Variants in MIDEAS observed in about 807,000 individuals in gnomAD.
The protein encoded by MIDEAS is mitotic deacetylase associated SANT domain protein, also known as mitotic deacetylase-associated SANT domain protein.
Under a neutral mutation model 102.7 loss-of-function variants are expected in MIDEAS, and 26 were observed. That is an observed-to-expected ratio of 0.25 (90% CI 0.19 to 0.35). The LOEUF is 0.35. MIDEAS is among the 10% of genes least tolerant of loss of function. The probability of loss-of-function intolerance (pLI) is 1.00; values close to 1 mark genes in which losing one functional copy is unlikely to be tolerated. For synonymous variants in MIDEAS, 585 were observed against 591.0 expected (o/e 0.99, Z 0.15); for missense variants, 1,231 against 1,435.6 (o/e 0.86, Z 2.30).
intron 1 of MIDEAS, among the ~76,000 whole-genome samples, chr14:73,743,743 C>T (rs1341760425): frequency 2.0e-5 from 3 of 152,190 alleles, no homozygotes; most frequent in Non-Finnish European, 4.4e-5. Context: ...CTGCCAGCAG[C>T]TCAGCCCTGG....
intron 1 of MIDEAS, among the ~76,000 whole-genome samples, chr14:73,778,376 A>C (rs1385036679): frequency 1.3e-5 from 2 of 151,230 alleles, no homozygotes; most frequent in African/African-American, 4.9e-5. Flanking sequence ...AAAAAAAAAA[A>C]CGTGATGGGG....
In MIDEAS at chr14:73,718,880, G is replaced by T; in HGVS notation, c.3263C>A (p.Ala1088Asp). The T allele has an allele frequency of 6.6e-7, 1 of 1,516,034 alleles. No individual in the cohort carries two copies. Among genetic ancestry groups the T allele is most frequent in the Non-Finnish European group, 8.8e-7 (1 of 1,138,374 alleles). 93.9% of individuals were successfully genotyped at this position (1,516,034 alleles called of 1,614,324 possible). ...AAAAAAAHQQ[A>D]LREESGAGDK... ...GCCCGCACCGCTCTCCTCCCGCAGG[G>T]CCTGCTGGTGGGCGGCGGCGGCGGC... Residue 1088 changes from alanine to aspartate, a missense_variant, in exon 13 of 13, where the codon GCC becomes GAC. This residue lies in a region of MIDEAS where 71 missense variants were observed against 51.9 expected (regional missense o/e 1.37). Transcript: ENST00000423556.
chr14:73,784,968 A>G (rs2053792849), intron 1 of MIDEAS, among the ~76,000 whole-genome samples: 1 of 152,150 alleles, frequency 6.6e-6, no homozygotes, highest in South Asian at 2.1e-4. Flanking sequence ...GCAAAACAGC[A>G]TTTTTCCTCC....
upstream of MIDEAS, among the ~76,000 whole-genome samples, chr14:73,788,155 GAA>G (rs71115905): frequency 2.1e-3 from 275 of 130,636 alleles, no homozygotes; most frequent in African/African-American, 6.6e-3. Flanking sequence ...CTTTGCTGGT[GAA>G]AAAAAAAAAA....
Position 73,718,700 on chromosome 14 carries a change from A to T in MIDEAS, c.*143T>A. 10 of 809,492 alleles carry T rather than the reference A, an allele frequency of 1.2e-5. No individual in the cohort carries two copies. Among genetic ancestry groups the T allele is most frequent in the South Asian group, 3.2e-5 (1 of 31,718 alleles). The allele number at this position is 809,492 out of a possible 1,614,324, so 50.1% of individuals were successfully genotyped here. On this transcript the variant is annotated 3_prime_UTR_variant, in exon 13 of 13. Coordinates refer to ENST00000423556, the MANE Select transcript of MIDEAS (RefSeq NM_001367710.1). The stretch of plus-strand genomic sequence containing the variant: ...GCCTTCATAAATAAAAGAGCCGTTT[A>T]TGTCATTGTCTCATTTGTTTCGCAG...
Position 73,738,867 on chromosome 14 carries a change from G to T in MIDEAS, c.1142C>A (p.Pro381His). The change falls in exon 2 of 13, where the codon CCC becomes CAC. Residue 381 changes from proline (P) to histidine (H), a missense_variant. Pro to His is a moderately conservative substitution (Grantham distance 77). Transcript: ENST00000423556. ...ATGNLFLHHW[P>H]LQQPPPGSLG... ...GGAGCCAGGTGGCGGCTGCTGCAGG[G>T]GCCAGTGATGTAGGAACAGGTTGCC... 1 of 1,568,504 alleles carries T rather than the reference G, an allele frequency of 6.4e-7. No homozygotes were observed. Among genetic ancestry groups the T allele is most frequent in the Non-Finnish European group, 8.6e-7 (1 of 1,157,530 alleles).
At chr14:73,768,677 G>A (rs1399329352) in intron 1 of MIDEAS, among the ~76,000 whole-genome samples, 1 of 152,000 alleles carries the variant, frequency 6.6e-6, no homozygotes. Context: ...GTAGAGATGG[G>A]GTTTCACCAT....
At chr14:73,787,349 C>G (rs1451189326), upstream of MIDEAS, 1 of 151,296 alleles carries the variant, frequency 6.6e-6, no homozygotes, top group Non-Finnish European at 1.5e-5. Flanking sequence ...GCCGTCTCCC[C>G]ACTCTGCGCG....
rs1023227565 is a variant in MIDEAS at position 73,759,073 on chromosome 14, G to C, written c.-248+690C>G. ...CTGGGAGGGCTGCGGCGGCGCGGGCGTGCGGGGGCGCGCGGGAGGATGACA... is the reference window on the plus strand; with the variant it reads ...CTGGGAGGGCTGCGGCGGCGCGGGCCTGCGGGGGCGCGCGGGAGGATGACA... On this transcript the variant is annotated intron_variant, in intron 1 of 12. Coordinates refer to ENST00000423556, the MANE Select transcript of MIDEAS (RefSeq NM_001367710.1). The surrounding 1 kb of genome is among the most constrained non-coding windows in gnomAD (Gnocchi z 6.7). Among the ~76,000 whole-genome samples, 1 of 152,062 alleles carries C rather than the reference G, an allele frequency of 6.6e-6. No individual in the cohort carries two copies. Among genetic ancestry groups the C allele is most frequent in the Non-Finnish European group, 1.5e-5 (1 of 67,968 alleles).
At chr14:73,722,415 GA>G (rs1445672644) in intron 10 of MIDEAS, 3 of 230,670 alleles carry the variant, frequency 1.3e-5, no homozygotes, top group Non-Finnish European at 2.5e-5. Flanking sequence ...TGAGGTTTGA[GA>G]AACAGTGTTA....
At position 73,759,517 on chromosome 14, in the gene MIDEAS, G is replaced by A. The variant is rs1460495235; in HGVS notation, c.-248+246C>T. ...CGCTGCACACGCAGCTGCGGGCCGA[G>A]GGCGCGGACCGCGGGGGAGGGGGCG... is the stretch of plus-strand genomic sequence containing the variant. On this transcript the variant is annotated intron_variant, in intron 1 of 12. Coordinates refer to ENST00000423556, the MANE Select transcript of MIDEAS (RefSeq NM_001367710.1). The surrounding 1 kb of genome is among the most constrained non-coding windows in gnomAD (Gnocchi z 6.7). Among the ~76,000 whole-genome samples the A allele has an allele frequency of 6.7e-6, 1 of 149,916 alleles. No individual in the cohort carries two copies. Among genetic ancestry groups the A allele is most frequent in the Non-Finnish European group, 1.5e-5 (1 of 67,170 alleles).
rs932317768 is a variant in MIDEAS, at chr14:73,718,900, G to A, written c.3243C>T (p.Ala1081=). The A allele has an allele frequency of 3.9e-6, 6 of 1,520,350 alleles. No homozygotes were observed. The African/African-American group carries it at 8.4e-5, about 21-fold the overall frequency. The allele number at this position is 1,520,350 out of a possible 1,614,324, so 94.2% of individuals were successfully genotyped here. ...RLKEKEAAAA[A]AAAHQQALRE... is the part of the protein sequence containing the mutation. ...GCAGGGCCTGCTGGTGGGCGGCGGC[G>A]GCGGCAGCAGCGGCCTCTTTCTCCT... Residue 1081 remains alanine, a synonymous_variant, in exon 13 of 13, where the codon GCC becomes GCT. Coordinates refer to ENST00000423556, the MANE Select transcript of MIDEAS (RefSeq NM_001367710.1).
At chr14:73,724,459 G>A (rs1468460081) in intron 9 of MIDEAS, 1 of 152,190 alleles carries the variant, frequency 6.6e-6, no homozygotes, top group East Asian at 1.9e-4. Flanking sequence ...AGGCATTAGG[G>A]GCGCCTCCGT....
chr14:73,762,040 A>G (rs976240506), upstream of MIDEAS, among the ~76,000 whole-genome samples: 2 of 152,132 alleles, frequency 1.3e-5, no homozygotes, highest in African/African-American at 4.8e-5. Flanking sequence ...CCCACTGACA[A>G]CACATCCAAG....
intron 1 of MIDEAS, among the ~76,000 whole-genome samples, chr14:73,784,921 G>A (rs942404386): frequency 1.2e-4 from 19 of 152,178 alleles, no homozygotes; most frequent in Admixed American, 9.8e-4. Context: ...TTTGACAAAC[G>A]GTCACTGTGC....
At chr14:73,758,068 C>T (rs1422328141) in intron 1 of MIDEAS, among the ~76,000 whole-genome samples, 1 of 151,924 alleles carries the variant, frequency 6.6e-6, no homozygotes, top group Non-Finnish European at 1.5e-5. Flanking sequence ...ACCCCCTTGT[C>T]CCCCCGGGAG....
rs2140174859 is a variant in MIDEAS, at chr14:73,777,575, G to GT, written c.-248+9526dup. On this transcript the variant is annotated intron_variant, in intron 1 of 11. Transcript: ENST00000394071. ...CCACTTGCAGTCCCCAGAGCAAATGGTGTCATGTTGTGCCTCCAGGCCTTG... is the reference window on the plus strand; with the variant it reads ...CCACTTGCAGTCCCCAGAGCAAATGGTTGTCATGTTGTGCCTCCAGGCCTTG... 2.0e-5 allele frequency among the ~76,000 whole-genome samples: 3 copies of GT among 152,032 alleles called. No homozygotes were observed. In the South Asian group the frequency reaches 6.3e-4, roughly 32 times the overall value.
chr14:73,773,972 A>G (rs1354721246), intron 1 of MIDEAS, among the ~76,000 whole-genome samples: 2 of 150,086 alleles, frequency 1.3e-5, no homozygotes, highest in Non-Finnish European at 3.0e-5. Context: ...CAGTGAGCTG[A>G]TATCACACCA....
At chr14:73,783,468 AG>A (rs1471195784) in intron 1 of MIDEAS, among the ~76,000 whole-genome samples, 3 of 152,194 alleles carry the variant, frequency 2.0e-5, no homozygotes, top group Admixed American at 6.5e-5. Flanking sequence ...AGAGGAGCAA[AG>A]GTCAGACCCC....
Sources: allele counts gnomAD v4.1 joint callset (sites outside exome capture counted in the v4.1 genomes callset), GRCh38; gene constraint gnomAD v4.1.1; regional missense constraint gnomAD v4.1.1; non-coding constraint Gnocchi (gnomAD v3.1); transcripts MANE v1.5; gene names NCBI Gene and HGNC (gene_info 2026-07-23, HGNC 2026-07-21).